The following TRPV3 variants were observed in gnomAD, a reference collection of about 807,000 sequenced individuals.
The protein encoded by TRPV3 is VRL-3.
Under a neutral mutation model 87.1 loss-of-function variants are expected in TRPV3, and 88 were observed. The ratio of observed to expected loss-of-function variants is 1.01; its 90% confidence interval spans 0.85 to 1.21. TRPV3 has a LOEUF of 1.21. Among genes scored for constraint, TRPV3 ranks in the 50% most tolerant of loss-of-function variants. The pLI, the probability that TRPV3 is intolerant of heterozygous loss-of-function variation, is 0.00. For missense variants in TRPV3, 1,054 were observed against 1,030.1 expected (o/e 1.02, Z -0.32); for synonymous variants, 438 against 423.3 (o/e 1.03, Z -0.43).
Position 3,556,358 on chromosome 17 carries a change from C to A in TRPV3, c.-3+1318G>T, listed in dbSNP as rs2074632704. ...GGCCAGGAGGAGGCTGCTGCAGGGG[C>A]CATAGGGACGGGGAAGGGGGCCAGC... is the stretch of plus-strand genomic sequence containing the variant. On this transcript the variant is annotated intron_variant, in intron 1 of 17. Coordinates refer to ENST00000576742, the MANE Select transcript of TRPV3 (RefSeq NM_145068.4). This position sits in a 1 kb window ranked among gnomAD's most constrained non-coding sequence, Gnocchi z 4.2. Among the ~76,000 whole-genome samples, 1 of 151,140 alleles carries A rather than the reference C, an allele frequency of 6.6e-6. No homozygotes were observed. The highest frequency in any genetic ancestry group is 1.5e-5 in the Non-Finnish European group (1 of 67,768).
In TRPV3 at chr17:3,545,888, G is replaced by A. The variant is rs559704738; in HGVS notation, c.120-617C>T. On this transcript the variant is annotated intron_variant, in intron 2 of 17. Coordinates refer to ENST00000576742, the MANE Select transcript of TRPV3 (RefSeq NM_145068.4). Reference sequence around the variant, plus strand: ...ACCTGTAACCCCAGCTACTCGGGAGGCTGAGACAGGAGAATTGCTTGAACC... The same window carrying A: ...ACCTGTAACCCCAGCTACTCGGGAGACTGAGACAGGAGAATTGCTTGAACC... Among the ~76,000 whole-genome samples, 349 of 151,562 alleles carry A rather than the reference G, an allele frequency of 2.3e-3. 3 individuals carry two copies. The highest frequency in any genetic ancestry group is 7.9e-3 in the African/African-American group (328 of 41,312).
In TRPV3 at chr17:3,526,887, G is replaced by A. The variant is rs781742098; in HGVS notation, c.1544C>T (p.Ser515Phe). Residue 515 changes from serine to phenylalanine, a missense_variant, in exon 12 of 18, where the codon TCC becomes TTC. Physicochemically the swap from Ser to Phe is radical, Grantham distance 155 (BLOSUM62 -2). Transcript: ENST00000576742. ...GTGGAACCAGGCATCCGAGAGGATGGACTGCAGATCCGAGGGTCTCAGCAG... is the reference window on the plus strand; with the variant it reads ...GTGGAACCAGGCATCCGAGAGGATGAACTGCAGATCCGAGGGTCTCAGCAG... ...IFLLRPSDLQ[S>F]ILSDAWFHFV... The A allele has an allele frequency of 2.6e-5, 42 of 1,612,152 alleles. No homozygotes were observed. The Admixed American group carries it at 5.5e-4, about 21-fold the overall frequency.
Position 3,542,592 on chromosome 17 carries a change from A to G in TRPV3, c.573T>C (p.Leu191=). 4 of 1,613,998 alleles carry G rather than the reference A, an allele frequency of 2.5e-6. No homozygotes were observed. Among genetic ancestry groups the G allele is most frequent in the Non-Finnish European group, 3.4e-6 (4 of 1,179,908 alleles). The change falls in exon 6 of 18, where the codon CTT becomes CTC. Residue 191 remains leucine, a synonymous_variant. Transcript: ENST00000576742. ...GGATGTCGTTCTCTTCAGCAAAGGCAAGCAGGATCCGCACTATCTCCTTGG... is the reference window on the plus strand; with the variant it reads ...GGATGTCGTTCTCTTCAGCAAAGGCGAGCAGGATCCGCACTATCTCCTTGG... ...PNTKEIVRIL[L]AFAEENDILG... is the part of the protein sequence containing the mutation.
intron 14 of TRPV3, among the ~76,000 whole-genome samples, chr17:3,519,546 A>G (rs1240853425): frequency 6.7e-6 from 1 of 148,804 alleles, no homozygotes; most frequent in African/African-American, 2.5e-5. Flanking sequence ...AGATGGATGG[A>G]TGGACCAATT....
rs1018985422 is a variant in TRPV3, at chr17:3,528,493, A to G, written c.1401+344T>C. Among the ~76,000 whole-genome samples the G allele has an allele frequency of 6.6e-6, 1 of 152,240 alleles. No homozygotes were observed. Among genetic ancestry groups the G allele is most frequent in the African/African-American group, 2.4e-5 (1 of 41,464 alleles). ...GACGCATGGGAAACCGAAGCCCAGC[A>G]GGCAGGGAGAGCTTATCCTCCTCCC... On this transcript the variant is annotated intron_variant, in intron 10 of 17. Coordinates refer to ENST00000576742, the MANE Select transcript of TRPV3 (RefSeq NM_145068.4). This position sits in a 1 kb window ranked among gnomAD's most constrained non-coding sequence, Gnocchi z 4.2.
At chr17:3,542,756 C>T in intron 5 of TRPV3, 58 bp from the exon 6 acceptor site, 4 of 1,564,158 alleles carry the variant, frequency 2.6e-6, no homozygotes, top group Non-Finnish European at 3.5e-6. Context: ...TTGGCCCTCC[C>T]AGCCCAGAGG....
intron 8 of TRPV3, among the ~76,000 whole-genome samples, 185 bp downstream of exon 8, chr17:3,532,472 G>A (rs537931278): frequency 1.3e-5 from 2 of 152,240 alleles, no homozygotes; most frequent in East Asian, 1.9e-4. Context: ...CCAGCTCCGC[G>A]TGGCCCCTCA....
intron 6 of TRPV3, among the ~76,000 whole-genome samples, chr17:3,536,587 T>C (rs1338957512): frequency 6.6e-6 from 1 of 151,632 alleles, no homozygotes; most frequent in Non-Finnish European, 1.5e-5. Context: ...AAACTCCATC[T>C]CAAAAAACAA....
At chr17:3,514,383 T>C (rs975609351) in intron 17 of TRPV3, 33 of 583,580 alleles carry the variant, frequency 5.7e-5, no homozygotes, top group Non-Finnish European at 6.1e-5. Flanking sequence ...CCGGCCTGCA[T>C]GATGTGTTTC....
intron 6 of TRPV3, among the ~76,000 whole-genome samples, chr17:3,538,671 G>A (rs527408372): frequency 3.2e-4 from 48 of 151,874 alleles, no homozygotes; most frequent in Non-Finnish European, 4.9e-4. Flanking sequence ...TGCAACCTCC[G>A]CCTCCCAGGT....
intron 17 of TRPV3, chr17:3,514,368 C>T (rs984086208): frequency 5.5e-5 from 31 of 562,644 alleles, no homozygotes; most frequent in African/African-American, 2.8e-4. Flanking sequence ...CACGAGCCAC[C>T]GCGCCCGGCC....
chr17:3,519,186 T>C (rs543817315), intron 14 of TRPV3, among the ~76,000 whole-genome samples: 1 of 152,362 alleles, frequency 6.6e-6, no homozygotes, highest in African/African-American at 2.4e-5. Flanking sequence ...TGACTTCCTC[T>C]AGCCTGGGTC....
chr17:3,538,150 C>T (rs1467893171), intron 6 of TRPV3, among the ~76,000 whole-genome samples: 4 of 151,484 alleles, frequency 2.6e-5, no homozygotes, highest in Non-Finnish European at 5.9e-5. Context: ...GTGAGCATGC[C>T]ACTGCACTCC....
At chr17:3,526,509 G>A (rs1468354381) in intron 12 of TRPV3, among the ~76,000 whole-genome samples, 3 of 151,900 alleles carry the variant, frequency 2.0e-5, no homozygotes, top group Non-Finnish European at 4.4e-5. Context: ...AACGTAAACA[G>A]GACTGCTAAG....
At position 3,510,767 on chromosome 17, in the gene TRPV3, G is replaced by A. The variant is rs1375910857; in HGVS notation, c.*3150C>T. 6.6e-6 allele frequency: 1 copy of A among 152,210 alleles called. No individual in the cohort carries two copies. Among genetic ancestry groups the A allele is most frequent in the Non-Finnish European group, 1.5e-5 (1 of 68,038 alleles). 9.4% of individuals were successfully genotyped at this position (152,210 alleles called of 1,614,324 possible). A position where few individuals can be genotyped will look rare whatever the true frequency, so the allele number is the denominator to read the frequency against. On this transcript the variant is annotated 3_prime_UTR_variant, in exon 18 of 18. Coordinates refer to ENST00000576742, the MANE Select transcript of TRPV3 (RefSeq NM_145068.4). ...TCAAGTACGGCTTACAGGCCCGGATGACGGCCCATCTACCTGGGCCCTGCC... is the reference window on the plus strand; with the variant it reads ...TCAAGTACGGCTTACAGGCCCGGATAACGGCCCATCTACCTGGGCCCTGCC...
chr17:3,522,694 G>A (rs575226454), intron 13 of TRPV3, among the ~76,000 whole-genome samples: 2 of 151,852 alleles, frequency 1.3e-5, no homozygotes, highest in South Asian at 4.2e-4. Context: ...GTGCATGCCT[G>A]TAGTCCCAGC....
intron 8 of TRPV3, among the ~76,000 whole-genome samples, chr17:3,532,429 G>A (rs2074356794): frequency 3.9e-5 from 6 of 152,258 alleles, no homozygotes; most frequent in Admixed American, 2.6e-4. Context: ...CGGCGTATTA[G>A]GGACTGAAGT....
At chr17:3,524,155 C>A in intron 13 of TRPV3, 43 bp downstream of exon 13, 2 of 1,600,598 alleles carry the variant, frequency 1.2e-6, no homozygotes, top group Non-Finnish European at 1.7e-6. Context: ...TGAAAAATGG[C>A]CATCCTCCGA....
At chr17:3,543,372 T>C (rs541884417) in intron 5 of TRPV3, 102 bp downstream of exon 5, 1 of 1,468,854 alleles carries the variant, frequency 6.8e-7, no homozygotes, top group Non-Finnish European at 9.2e-7. Flanking sequence ...TCAAGGCCCC[T>C]CACACTCCAG....
Sources: allele counts gnomAD v4.1 joint callset (sites outside exome capture counted in the v4.1 genomes callset), GRCh38; gene constraint gnomAD v4.1.1; non-coding constraint Gnocchi (gnomAD v3.1); transcripts MANE v1.5; gene names NCBI Gene and HGNC (gene_info 2026-07-23, HGNC 2026-07-21).